ABLIM3: variants seen among roughly 807,000 people sequenced by gnomAD.
The protein encoded by ABLIM3 is actin-binding LIM protein 3.
ABLIM3 carries 61 observed loss-of-function variants against 109.5 expected under a neutral mutation model. The ratio of observed to expected loss-of-function variants is 0.56; its 90% confidence interval spans 0.45 to 0.69. The LOEUF (loss-of-function observed/expected upper bound fraction) is 0.69. ABLIM3 is among the 30% of genes least tolerant of loss of function. ABLIM3 has a pLI of 0.00. For missense variants in ABLIM3, 796 were observed against 889.5 expected, an observed-to-expected ratio of 0.89 and a Z score of 1.34; for synonymous variants, 300 against 324.8, an observed-to-expected ratio of 0.92 and a Z score of 0.82.
At chr5:149,211,888 G>GGCT (rs771210909) in intron 7 of ABLIM3, among the ~76,000 whole-genome samples, 4 of 151,866 alleles carry the variant, frequency 2.6e-5, no homozygotes, top group Non-Finnish European at 5.9e-5. Context: ...ACAGAATTGT[G>GGCT]GCTGCAGAAT....
chr5:149,143,225 T>C (rs1752643818), intron 2 of ABLIM3, among the ~76,000 whole-genome samples: 1 of 151,676 alleles, frequency 6.6e-6, no homozygotes, highest in African/African-American at 2.4e-5. Context: ...TAGCCAGGTG[T>C]GGTGGTGTGG....
intron 5 of ABLIM3, among the ~76,000 whole-genome samples, chr5:149,205,883 C>T (rs1190925009): frequency 2.6e-5 from 4 of 152,198 alleles, no homozygotes; most frequent in African/African-American, 9.7e-5. Context: ...CTGGACCCAC[C>T]ACCCTTCCTA....
rs141434846 is a variant in ABLIM3 at position 149,249,225 on chromosome 5, G to C, written c.1700-590G>C. Among the ~76,000 whole-genome samples, 328 of 152,352 alleles carry C rather than the reference G, an allele frequency of 2.2e-3. 2 individuals carry two copies. Among genetic ancestry groups the C allele is most frequent in the South Asian group, 7.2e-3 (35 of 4,828 alleles). ...CATACTACACCTTGACTCTCAGTGA[G>C]ATTGAAGATGTTGGTGTTGGCGGCA... On this transcript the variant is annotated intron_variant, in intron 18 of 23. Coordinates refer to ENST00000309868, the MANE Select transcript of ABLIM3 (RefSeq NM_014945.5).
intron 13 of ABLIM3, 179 bp from the exon 14 acceptor site, chr5:149,240,497 C>T: frequency 1.7e-6 from 1 of 598,354 alleles, no homozygotes; most frequent in East Asian, 2.8e-5. Flanking sequence ...TTGTTTCTGC[C>T]AACGTGGTGC....
intron 2 of ABLIM3, among the ~76,000 whole-genome samples, chr5:149,143,749 T>C (rs1347399683): frequency 6.6e-6 from 1 of 152,180 alleles, no homozygotes; most frequent in South Asian, 2.1e-4. Flanking sequence ...TTTGGCTTCA[T>C]ACCAGGCTCA....
chr5:149,228,904 C>T (rs1309305022), intron 8 of ABLIM3, among the ~76,000 whole-genome samples: 1 of 152,138 alleles, frequency 6.6e-6, no homozygotes, highest in Non-Finnish European at 1.5e-5. Context: ...GCAAAAGAGA[C>T]CCTCTAGTCT....
intron 10 of ABLIM3, among the ~76,000 whole-genome samples, chr5:149,236,440 C>A (rs189880600): frequency 6.2e-4 from 95 of 152,098 alleles, no homozygotes; most frequent in Admixed American, 2.3e-3. Flanking sequence ...ATTTGCAGCA[C>A]CTCAGGACCT....
chr5:149,192,798 G>A (rs958435153), intron 3 of ABLIM3, among the ~76,000 whole-genome samples: 1 of 145,146 alleles, frequency 6.9e-6, no homozygotes, highest in Non-Finnish European at 1.5e-5. Flanking sequence ...TAGAAGTGCA[G>A]AACATCAATG....
At chr5:149,164,639 C>T (rs1754667258) in intron 2 of ABLIM3, among the ~76,000 whole-genome samples, 1 of 152,058 alleles carries the variant, frequency 6.6e-6, no homozygotes, top group East Asian at 1.9e-4. Context: ...GAGAATGCAT[C>T]AGGATTGAGA....
Position 149,166,072 on chromosome 5 carries a change from C to T in ABLIM3, c.14-17380C>T, listed in dbSNP as rs1019127776. Among the ~76,000 whole-genome samples the T allele has an allele frequency of 2.4e-4, 36 of 152,146 alleles. No homozygotes were observed. The South Asian group carries it at 6.4e-3, about 27-fold the overall frequency. On this transcript the variant is annotated intron_variant, in intron 2 of 23. Coordinates refer to ENST00000309868, the MANE Select transcript of ABLIM3 (RefSeq NM_014945.5). ...TAGTTGGCTCACATAGTATTCTTTT[C>T]GTTTATTTTTTAAATATTTGAGCCA...
At chr5:149,173,741 G>A (rs899271432) in intron 2 of ABLIM3, among the ~76,000 whole-genome samples, 9 of 152,154 alleles carry the variant, frequency 5.9e-5, no homozygotes, top group Admixed American at 4.6e-4. Context: ...AGTAGGAACC[G>A]CCGGGCGCGG....
chr5:149,175,882 G>A (rs1372089146), intron 2 of ABLIM3, among the ~76,000 whole-genome samples: 3 of 152,084 alleles, frequency 2.0e-5, no homozygotes, highest in African/African-American at 4.8e-5. Context: ...CTGACAACAC[G>A]TTTCTGAAGA....
chr5:149,185,295 C>T (rs971236349), intron 3 of ABLIM3, among the ~76,000 whole-genome samples: 1 of 152,252 alleles, frequency 6.6e-6, no homozygotes, highest in Non-Finnish European at 1.5e-5. Context: ...AAGCTGCTAA[C>T]CCCAGTGTCT....
At chr5:149,214,308 C>T (rs1759839167) in intron 7 of ABLIM3, among the ~76,000 whole-genome samples, 1 of 152,182 alleles carries the variant, frequency 6.6e-6, no homozygotes, top group Non-Finnish European at 1.5e-5. Flanking sequence ...TACTTTCTTC[C>T]AAGTTAAGTT....
chr5:149,259,208 C>T lies in ABLIM3; in HGVS notation c.*804C>T. The T allele has an allele frequency of 8.8e-7, 1 of 1,138,684 alleles. No individual in the cohort carries two copies. Among genetic ancestry groups the T allele is most frequent in the Admixed American group, 4.4e-5 (1 of 22,980 alleles). The allele number at this position is 1,138,684 out of a possible 1,614,324, so 70.5% of individuals were successfully genotyped here. ...AGCAGGGCACCTGTTAGAATCAGAGCTGCAGGATTTCTTGGGACCCTCCTC... is the reference window on the plus strand; with the variant it reads ...AGCAGGGCACCTGTTAGAATCAGAGTTGCAGGATTTCTTGGGACCCTCCTC... On this transcript the variant is annotated 3_prime_UTR_variant, in exon 24 of 24. Transcript: ENST00000309868.
At position 149,217,062 on chromosome 5, in the gene ABLIM3, C is replaced by G. The variant is rs1216858069; in HGVS notation, c.757+16C>G. Reference sequence around the variant, plus strand: ...TACCTCACAGGTAAGTAAATCTGACCCTCTGTAAGGCCTTCCGACCTGCTC... The same window carrying G: ...TACCTCACAGGTAAGTAAATCTGACGCTCTGTAAGGCCTTCCGACCTGCTC... On this transcript the variant is annotated intron_variant, in intron 8 of 23. Coordinates refer to ENST00000309868, the MANE Select transcript of ABLIM3 (RefSeq NM_014945.5). The G allele has an allele frequency of 1.9e-6, 3 of 1,611,134 alleles. No individual in the cohort carries two copies. The highest frequency in any genetic ancestry group is 2.5e-6 in the Non-Finnish European group (3 of 1,177,462).
intron 10 of ABLIM3, among the ~76,000 whole-genome samples, chr5:149,236,379 T>G (rs1259302690): frequency 6.6e-6 from 1 of 152,128 alleles, no homozygotes; most frequent in Non-Finnish European, 1.5e-5. Context: ...TGGGAGAATG[T>G]TATCAGACTA....
intron 2 of ABLIM3, among the ~76,000 whole-genome samples, chr5:149,153,204 G>A (rs1218194535): frequency 1.3e-5 from 2 of 152,068 alleles, no homozygotes; most frequent in Non-Finnish European, 2.9e-5. Context: ...GAAAACAAAA[G>A]CAAAAAGCCT....
At chr5:149,208,336 C>G (rs1031304221) in intron 6 of ABLIM3, among the ~76,000 whole-genome samples, 21 of 149,482 alleles carry the variant, frequency 1.4e-4, no homozygotes, top group African/African-American at 4.4e-4. Context: ...CTGTCTTTCT[C>G]TATCTATCTT....
Sources: allele counts gnomAD v4.1 joint callset (sites outside exome capture counted in the v4.1 genomes callset), GRCh38; gene constraint gnomAD v4.1.1; transcripts MANE v1.5; gene names NCBI Gene and HGNC (gene_info 2026-07-23, HGNC 2026-07-21).